Variants in CCDC73 observed in about 807,000 individuals in gnomAD.
The protein encoded by CCDC73 is coiled-coil domain containing 73.
A neutral mutation model predicts 116.5 loss-of-function variants in CCDC73; 95 were observed. The ratio of observed to expected loss-of-function variants is 0.82; its 90% CI spans 0.69 to 0.97. The LOEUF (loss-of-function observed/expected upper bound fraction) is 0.97. Among genes scored for constraint, CCDC73 ranks in the 50% least tolerant of loss-of-function variants. The pLI is 0.00. For synonymous variants in CCDC73, 398 were observed against 401.3 expected (o/e 0.99, Z 0.10); for missense variants, 1,066 against 1,206.8 (o/e 0.88, Z 1.73).
At chr11:32,811,654 G>T in the CCDC73 span, among the ~76,000 whole-genome samples, 6 of 152,084 alleles carry the variant, frequency 3.9e-5, no homozygotes, top group Non-Finnish European at 7.4e-5. Context: ...GCAAAGGGGG[G>T]AGCCGGCATA....
intron 2 of CCDC73, among the ~76,000 whole-genome samples, chr11:32,719,376 C>T (rs971869034): frequency 1.3e-5 from 2 of 152,118 alleles, no homozygotes; most frequent in Admixed American, 6.6e-5. Context: ...GAAATCTCTG[C>T]GATCACTAGC....
chr11:32,758,710 T>C (rs1430796201), intron 2 of CCDC73: 8 of 237,628 alleles, frequency 3.4e-5, no homozygotes, highest in Middle Eastern at 3.4e-3. Flanking sequence ...AGGAAGCATA[T>C]TTTTTAAGTT....
At chr11:32,711,217 T>G (rs1420614369) in intron 3 of CCDC73, among the ~76,000 whole-genome samples, 1 of 152,008 alleles carries the variant, frequency 6.6e-6, no homozygotes, top group Non-Finnish European at 1.5e-5. Flanking sequence ...ACAACCACAA[T>G]GGAAAATAGT....
intron 1 of CCDC73, among the ~76,000 whole-genome samples, chr11:32,786,492 A>G (rs550162412): frequency 2.8e-5 from 4 of 145,154 alleles, no homozygotes; most frequent in African/African-American, 5.0e-5. Flanking sequence ...ATTTATATTT[A>G]TAACATACTT....
At chr11:32,707,877 T>C (rs1438209212) in intron 3 of CCDC73, among the ~76,000 whole-genome samples, 1 of 152,214 alleles carries the variant, frequency 6.6e-6, no homozygotes, top group East Asian at 1.9e-4. Context: ...CCCACCTCTA[T>C]ATAACTTACG....
chr11:32,663,580 C>A (rs1855950969), intron 9 of CCDC73, among the ~76,000 whole-genome samples: 1 of 152,160 alleles, frequency 6.6e-6, no homozygotes, highest in African/African-American at 2.4e-5. Flanking sequence ...AGATTTTGGG[C>A]TGAGACAATG....
intron 6 of CCDC73, among the ~76,000 whole-genome samples, chr11:32,685,341 T>C (rs150778228): frequency 6.8e-6 from 1 of 148,108 alleles, no homozygotes; most frequent in Non-Finnish European, 1.5e-5. Flanking sequence ...AGTTAAAATA[T>C]ATAGTATATT....
chr11:32,787,851 A>T (rs1005151969), intron 1 of CCDC73, among the ~76,000 whole-genome samples: 12 of 152,214 alleles, frequency 7.9e-5, no homozygotes, highest in African/African-American at 2.9e-4. Context: ...TTGCTACAAG[A>T]TTCATTGAGA....
intron 1 of CCDC73, among the ~76,000 whole-genome samples, chr11:32,793,264 T>C (rs947947469): frequency 6.6e-6 from 1 of 152,180 alleles, no homozygotes; most frequent in African/African-American, 2.4e-5. Flanking sequence ...AAGACTCAAA[T>C]TGGCCGAAGA....
At chr11:32,632,473 G>A (rs1365105201) in intron 14 of CCDC73, among the ~76,000 whole-genome samples, 9 of 152,060 alleles carry the variant, frequency 5.9e-5, no homozygotes, top group Non-Finnish European at 4.4e-5. Flanking sequence ...TGATCCACTC[G>A]CCTCAGCCTC....
At chr11:32,783,462 C>T (rs1850600198) in intron 1 of CCDC73, among the ~76,000 whole-genome samples, 1 of 152,076 alleles carries the variant, frequency 6.6e-6, no homozygotes, top group South Asian at 2.1e-4. Flanking sequence ...ATGACTATAA[C>T]AAAATATCAG....
intron 17 of CCDC73, among the ~76,000 whole-genome samples, chr11:32,607,500 G>A (rs777342609): frequency 5.3e-5 from 8 of 152,204 alleles, no homozygotes; most frequent in Non-Finnish European, 1.0e-4. Flanking sequence ...CAAGTGAGAT[G>A]TGAAATTTCC....
intron 13 of CCDC73, among the ~76,000 whole-genome samples, chr11:32,641,576 AG>A (rs1855733026): frequency 6.6e-6 from 1 of 151,976 alleles, no homozygotes. Context: ...TGCTGAGGAA[AG>A]CAAAATAGAT....
chr11:32,609,707 GA>G (rs1855395845), intron 17 of CCDC73, among the ~76,000 whole-genome samples: 1 of 152,186 alleles, frequency 6.6e-6, no homozygotes, highest in African/African-American at 2.4e-5. Flanking sequence ...AGACTGGGAA[GA>G]AAAACAGGTT....
chr11:32,718,658 C>T lies in CCDC73; in HGVS notation c.136-511G>A, dbSNP rs193055098. 2.3e-3 allele frequency among the ~76,000 whole-genome samples: 344 copies of T among 152,180 alleles called. 1 individual carries two copies. The highest frequency in any genetic ancestry group is 8.1e-3 in the African/African-American group (335 of 41,512). On this transcript the variant is annotated intron_variant, in intron 2 of 17. Coordinates refer to ENST00000335185, the MANE Select transcript of CCDC73 (RefSeq NM_001008391.4). ...TCCCTATTTCCTCTACAGATCAAAA[C>T]CCTTAATCTGCAGAGGGGAGGGCAA...
At chr11:32,718,005 G>A (rs1343284609) in intron 3 of CCDC73, 71 bp downstream of exon 3, 18 of 1,047,640 alleles carry the variant, frequency 1.7e-5, no homozygotes, top group South Asian at 2.8e-5. Flanking sequence ...CCCTTGACAC[G>A]TGGGGGTTAC....
chr11:32,705,596 G>T (rs988291813), intron 3 of CCDC73, among the ~76,000 whole-genome samples: 2 of 152,256 alleles, frequency 1.3e-5, no homozygotes, highest in South Asian at 4.1e-4. Flanking sequence ...GGCCAGTATC[G>T]CAAGCCGAGT....
At chr11:32,740,826 T>A (rs907655739) in intron 2 of CCDC73, among the ~76,000 whole-genome samples, 1 of 152,074 alleles carries the variant, frequency 6.6e-6, no homozygotes, top group African/African-American at 2.4e-5. Flanking sequence ...TAAACTTCCA[T>A]CTTACTATTG....
chr11:32,790,074 T>C (rs567555655), intron 1 of CCDC73, among the ~76,000 whole-genome samples: 1 of 152,022 alleles, frequency 6.6e-6, no homozygotes, highest in African/African-American at 2.4e-5. Flanking sequence ...CTAAAAGTAG[T>C]GTAGGGAGAT....
Sources: allele counts gnomAD v4.1 joint callset (sites outside exome capture counted in the v4.1 genomes callset), GRCh38; gene constraint gnomAD v4.1.1; transcripts MANE v1.5; gene names NCBI Gene and HGNC (gene_info 2026-07-23, HGNC 2026-07-21).